CABP1: variants seen among roughly 807,000 people sequenced by gnomAD.
CABP1 encodes calcium binding protein 1, also known as calcium-binding protein 1.
Under a neutral mutation model 34.3 loss-of-function variants are expected in CABP1, and 17 were observed. That is an observed-to-expected ratio of 0.50 (90% CI 0.34 to 0.74). CABP1 has a LOEUF of 0.74. Among genes scored for constraint, CABP1 ranks in the 30% least tolerant of loss-of-function variants. The pLI is 0.01. For missense variants in CABP1, 373 were observed against 511.1 expected (o/e 0.73, Z 2.61); for synonymous variants, 198 against 229.2 (o/e 0.86, Z 1.23).
intron 1 of CABP1, among the ~76,000 whole-genome samples, chr12:120,654,817 C>G (rs765397724): frequency 6.6e-6 from 1 of 152,188 alleles, no homozygotes; most frequent in African/African-American, 2.4e-5. Context: ...GTGGGCAGTG[C>G]GGACTTTTTA....
intron 1 of CABP1, among the ~76,000 whole-genome samples, chr12:120,658,767 G>T (rs1593166359): frequency 6.6e-6 from 1 of 152,228 alleles, no homozygotes; most frequent in Non-Finnish European, 1.5e-5. Flanking sequence ...ATGCCTGCGT[G>T]TCTGTGTTCG....
intron 1 of CABP1, among the ~76,000 whole-genome samples, chr12:120,648,837 C>T (rs1879668510): frequency 1.3e-5 from 2 of 150,082 alleles, no homozygotes; most frequent in African/African-American, 4.9e-5. Context: ...GCTGAGATTG[C>T]GGCACTGCAC....
rs1034670505 is a variant in CABP1 at position 120,660,964 on chromosome 12, C to G, written c.940-107C>G. On this transcript the variant is annotated intron_variant, in intron 4 of 5. Transcript: ENST00000316803. This position sits in a 1 kb window ranked among gnomAD's most constrained non-coding sequence, Gnocchi z 5.0. The stretch of plus-strand genomic sequence containing the variant: ...GGAGGGAGCTTGGACAGAGAAAGGT[C>G]TCTGGTAAAGGGGGGCAATGACACT... 35 of 1,436,142 alleles carry G rather than the reference C, an allele frequency of 2.4e-5. 1 individual carries two copies. The South Asian group carries it at 4.2e-4, about 17-fold the overall frequency. 89.0% of individuals were successfully genotyped at this position (1,436,142 alleles called of 1,614,324 possible).
chr12:120,641,506 C>T lies in CABP1; in HGVS notation c.654+167C>T. On this transcript the variant is annotated intron_variant, in intron 1 of 5. Transcript: ENST00000316803. The surrounding 1 kb of genome is among the most constrained non-coding windows in gnomAD (Gnocchi z 6.7). ...GCGCCCTTGCCGGCACTCCTCCTCC[C>T]CGTGCCTGATTCAGCACCCCGTGCG... 1 of 682,182 alleles carries T rather than the reference C, an allele frequency of 1.5e-6. No homozygotes were observed. The highest frequency in any genetic ancestry group is 2.1e-6 in the Non-Finnish European group (1 of 486,798). The allele number at this position is 682,182 out of a possible 1,614,324, so 42.3% of individuals were successfully genotyped here.
chr12:120,669,420 T>G (rs561396653), downstream of CABP1, among the ~76,000 whole-genome samples: 1 of 152,312 alleles, frequency 6.6e-6, no homozygotes, highest in Non-Finnish European at 1.5e-5. Flanking sequence ...GAGGGCAACC[T>G]GCGGGAAGAG....
At chr12:120,650,549 T>C in intron 1 of CABP1, 1 of 1,607,332 alleles carries the variant, frequency 6.2e-7, no homozygotes, top group Non-Finnish European at 8.5e-7. Context: ...GAGGCTGGGG[T>C]TGGCAGAGAC....
At chr12:120,645,166 C>T (rs1054477522) in intron 1 of CABP1, among the ~76,000 whole-genome samples, 4 of 152,166 alleles carry the variant, frequency 2.6e-5, no homozygotes, top group Admixed American at 2.0e-4. Context: ...TTTAATTGCA[C>T]TAAGCCTAGG....
In CABP1 at chr12:120,660,296, C is replaced by T. The variant is rs564070934; in HGVS notation, c.786C>T (p.Thr262=). The change falls in exon 3 of 6, where the codon ACC becomes ACT. Residue 262 remains threonine, a synonymous_variant. Transcript: ENST00000316803. The surrounding 1 kb of genome is among the most constrained non-coding windows in gnomAD (Gnocchi z 5.0). The part of the protein sequence containing the change: ...NCMRTMGYMP[T]EMELIELSQQ... ...TGCGCACCATGGGCTACATGCCCAC[C>T]GAGATGGAGCTCATCGAACTGTCCC... 2.9e-4 allele frequency: 460 copies of T among 1,613,858 alleles called. No homozygotes were observed. Among genetic ancestry groups the T allele is most frequent in the Non-Finnish European group, 3.6e-4 (430 of 1,180,034 alleles).
chr12:120,649,770 G>C (rs1189858057), intron 1 of CABP1, among the ~76,000 whole-genome samples: 2 of 152,140 alleles, frequency 1.3e-5, no homozygotes, highest in Non-Finnish European at 1.5e-5. Flanking sequence ...TGATCTGACT[G>C]TTGGCTCATC....
At chr12:120,650,423 A>G in intron 1 of CABP1, 3 of 1,333,958 alleles carry the variant, frequency 2.2e-6, no homozygotes, top group East Asian at 2.6e-5. Context: ...AAACACACAC[A>G]CAATCCACCC....
At position 120,660,233 on chromosome 12, in the gene CABP1, G is replaced by A. The variant is rs117115054; in HGVS notation, c.723G>A (p.Lys241=). The change falls in exon 3 of 6, where the codon AAG becomes AAA. Residue 241 remains lysine, a synonymous_variant. Transcript: ENST00000316803. This position sits in a 1 kb window ranked among gnomAD's most constrained non-coding sequence, Gnocchi z 5.0. ...CCTTCAGAGAATTCGACAAGGACAA[G>A]GATGGCTACATCAACTGCCGGGATC... The part of the protein sequence containing the change: ...REAFREFDKD[K]DGYINCRDLG... 6.8e-5 allele frequency: 110 copies of A among 1,614,142 alleles called. No homozygotes were observed. Among genetic ancestry groups the A allele is most frequent in the Non-Finnish European group, 8.4e-5 (99 of 1,180,030 alleles).
At chr12:120,649,358 T>A (rs1879703555) in intron 1 of CABP1, among the ~76,000 whole-genome samples, 1 of 152,100 alleles carries the variant, frequency 6.6e-6, no homozygotes, top group Non-Finnish European at 1.5e-5. Context: ...CTGCTTCCAG[T>A]CTATCTCTGG....
At chr12:120,655,514 G>C in intron 1 of CABP1, 1 of 1,134,504 alleles carries the variant, frequency 8.8e-7, no homozygotes. Context: ...GTCAGCAATG[G>C]CACCTGCATG....
intron 5 of CABP1, among the ~76,000 whole-genome samples, chr12:120,664,297 C>G (rs921356830): frequency 1.3e-5 from 2 of 152,014 alleles, no homozygotes; most frequent in African/African-American, 4.8e-5. Flanking sequence ...ATAGAGGGGG[C>G]GCCTGTGCCA....
chr12:120,658,717 G>T (rs1414772840), intron 1 of CABP1, among the ~76,000 whole-genome samples: 1 of 152,182 alleles, frequency 6.6e-6, no homozygotes, highest in East Asian at 1.9e-4. Context: ...GGCTGGAACG[G>T]CCTGCATGCA....
In CABP1 at chr12:120,666,965, G is replaced by T. The variant is rs756750504; in HGVS notation, c.*65G>T. 3.9e-6 allele frequency: 6 copies of T among 1,549,138 alleles called. No individual in the cohort carries two copies. The highest frequency in any genetic ancestry group is 2.3e-5 in the East Asian group (1 of 42,756). On this transcript the variant is annotated 3_prime_UTR_variant, in exon 6 of 6. Transcript: ENST00000316803. The stretch of plus-strand genomic sequence containing the variant: ...GCGGGGCTAAGAGGAGCTAGAGCTT[G>T]CCTCACCCGCTGTAGCCGCCGAGAG...
At chr12:120,670,579 C>G (rs1362424853), downstream of CABP1, among the ~76,000 whole-genome samples, 2 of 152,122 alleles carry the variant, frequency 1.3e-5, no homozygotes, top group Non-Finnish European at 1.5e-5. Context: ...GAAACTCCGT[C>G]TCTACTAAAA....
At position 120,641,436 on chromosome 12, in the gene CABP1, T is replaced by G. The variant is rs1407436701; in HGVS notation, c.654+97T>G. 1 of 1,188,776 alleles carries G rather than the reference T, an allele frequency of 8.4e-7. No homozygotes were observed. The highest frequency in any genetic ancestry group is 4.3e-5 in the Admixed American group (1 of 23,454). The allele number at this position is 1,188,776 out of a possible 1,614,324, so 73.6% of individuals were successfully genotyped here. A position where few individuals can be genotyped will look rare whatever the true frequency, so the allele number is the denominator to read the frequency against. ...CACAGCCTCCTCCCGCGGCCCGTGG[T>G]CCCCCACGGATCACGCCTCGGCTCA... On this transcript the variant is annotated intron_variant, in intron 1 of 5. Coordinates refer to ENST00000316803, the MANE Select transcript of CABP1 (RefSeq NM_001033677.2). The surrounding 1 kb of genome is among the most constrained non-coding windows in gnomAD (Gnocchi z 6.7).
chr12:120,645,006 C>T lies in CABP1; in HGVS notation c.654+3667C>T, dbSNP rs542761889. 6.1e-4 allele frequency among the ~76,000 whole-genome samples: 93 copies of T among 152,240 alleles called. 1 individual carries two copies. The highest frequency in any genetic ancestry group is 5.2e-3 in the South Asian group (25 of 4,830). ...TGTTAGTAGAGATGGAGTTTCACCACGTTGGCCAGGCTGGTCTCGAACTCC... is the reference window on the plus strand; with the variant it reads ...TGTTAGTAGAGATGGAGTTTCACCATGTTGGCCAGGCTGGTCTCGAACTCC... On this transcript the variant is annotated intron_variant, in intron 1 of 5. Transcript: ENST00000316803.
Sources: allele counts gnomAD v4.1 joint callset (sites outside exome capture counted in the v4.1 genomes callset), GRCh38; gene constraint gnomAD v4.1.1; non-coding constraint Gnocchi (gnomAD v3.1); transcripts MANE v1.5; gene names NCBI Gene and HGNC (gene_info 2026-07-23, HGNC 2026-07-21).